Variants in CSMD3 observed in about 807,000 individuals in gnomAD.
CSMD3 encodes CUB and Sushi multiple domains 3, also known as CUB and sushi domain-containing protein 3.
Under a neutral mutation model 435.2 loss-of-function variants are expected in CSMD3, and 177 were observed. That is an observed-to-expected ratio of 0.41 (90% CI 0.36 to 0.46). The LOEUF (loss-of-function observed/expected upper bound fraction) is 0.46, where lower values mean the gene tolerates loss of function less well. Among genes scored for constraint, CSMD3 ranks in the 20% least tolerant of loss-of-function variants. The pLI is 0.34. For missense variants in CSMD3, 4,265 were observed against 4,504.6 expected, an observed-to-expected ratio of 0.95 and a Z score of 1.52; for synonymous variants, 1,656 against 1,520.5, an observed-to-expected ratio of 1.09 and a Z score of -2.07.
chr8:112,268,801 GA>G (rs142523872), intron 59 of CSMD3, among the ~76,000 whole-genome samples: 5,428 of 152,232 alleles, frequency 0.036, 322 homozygotes, highest in African/African-American at 0.12. Flanking sequence ...GTTCCAGAAA[GA>G]ATGGCTAAAC....
chr8:112,330,268 C>A (rs1292887604), intron 45 of CSMD3, among the ~76,000 whole-genome samples: 2 of 152,166 alleles, frequency 1.3e-5, no homozygotes, highest in African/African-American at 2.4e-5. Context: ...CTTTTAAATA[C>A]ATTTCTTTAC....
At chr8:113,409,677 C>T (rs563322089) in intron 1 of CSMD3, among the ~76,000 whole-genome samples, 1 of 152,202 alleles carries the variant, frequency 6.6e-6, no homozygotes, top group African/African-American at 2.4e-5. Flanking sequence ...TTTTATCAGC[C>T]TTAATATTGA....
At chr8:112,278,725 T>A (rs1818328184) in intron 59 of CSMD3, among the ~76,000 whole-genome samples, 1 of 152,094 alleles carries the variant, frequency 6.6e-6, no homozygotes, top group Non-Finnish European at 1.5e-5. Context: ...TGGCTTTAGG[T>A]ATCTAAAACA....
rs1369319437 is a variant in CSMD3, at chr8:113,019,173, A to C, written c.924T>G (p.Ser308=). 6.2e-7 allele frequency: 1 copy of C among 1,605,240 alleles called. No individual in the cohort carries two copies. The highest frequency in any genetic ancestry group is 8.5e-7 in the Non-Finnish European group (1 of 1,172,050). The part of the protein sequence containing the change: ...EGSEPPTIWL[S]GMNIPPPIIS... Reference sequence around the variant, plus strand: ...TAATTGGTGGTGGTATATTCATTCCAGATAACCTGAATTACAAAAGACAAC... The same window carrying C: ...TAATTGGTGGTGGTATATTCATTCCCGATAACCTGAATTACAAAAGACAAC... Residue 308 remains serine (S), a synonymous_variant, in exon 6 of 71, where the codon TCT becomes TCG. Coordinates refer to ENST00000297405, the MANE Select transcript of CSMD3 (RefSeq NM_198123.2).
intron 10 of CSMD3, among the ~76,000 whole-genome samples, chr8:112,886,106 T>A (rs1456679612): frequency 6.6e-6 from 1 of 151,690 alleles, no homozygotes; most frequent in East Asian, 1.9e-4. Context: ...TCTGTGGTTT[T>A]ACTTGTTTGT....
chr8:113,009,736 C>T (rs2086187825), intron 6 of CSMD3, among the ~76,000 whole-genome samples: 1 of 151,712 alleles, frequency 6.6e-6, no homozygotes, highest in Non-Finnish European at 1.5e-5. Context: ...TGAACTTTTT[C>T]AACAAACATG....
At chr8:113,344,367 A>C (rs2094138993) in intron 1 of CSMD3, among the ~76,000 whole-genome samples, 2 of 152,128 alleles carry the variant, frequency 1.3e-5, no homozygotes. Flanking sequence ...TTTTGAGATA[A>C]AATTATGTTT....
At chr8:112,285,899 T>A (rs751493134) in intron 58 of CSMD3, among the ~76,000 whole-genome samples, 4 of 151,934 alleles carry the variant, frequency 2.6e-5, no homozygotes, top group Non-Finnish European at 5.9e-5. Flanking sequence ...TTAAGATTTT[T>A]GTAGAGATGT....
chr8:112,466,819 A>G (rs553397722), intron 32 of CSMD3, among the ~76,000 whole-genome samples: 2 of 152,284 alleles, frequency 1.3e-5, no homozygotes, highest in South Asian at 4.1e-4. Context: ...CATTTAGTGA[A>G]TATAATAAAA....
chr8:112,483,783 T>G (rs1263766710), intron 31 of CSMD3, among the ~76,000 whole-genome samples: 2 of 152,190 alleles, frequency 1.3e-5, no homozygotes, highest in Non-Finnish European at 2.9e-5. Flanking sequence ...TTCTTAGTAG[T>G]TTGCCAAACT....
chr8:112,239,980 A>G (rs1303132177), intron 66 of CSMD3, among the ~76,000 whole-genome samples: 1 of 151,992 alleles, frequency 6.6e-6, no homozygotes, highest in Non-Finnish European at 1.5e-5. Flanking sequence ...CTTTTCAATA[A>G]TGTAAGGATT....
At chr8:112,934,752 CA>C (rs2083225407) in intron 9 of CSMD3, among the ~76,000 whole-genome samples, 1 of 152,074 alleles carries the variant, frequency 6.6e-6, no homozygotes, top group Non-Finnish European at 1.5e-5. Flanking sequence ...ATTACTAAGA[CA>C]CTCGGGACAC....
Position 112,552,711 on chromosome 8 carries a change from C to A in CSMD3, c.4244G>T (p.Gly1415Val), listed in dbSNP as rs2131202559. 1 of 1,611,426 alleles carries A rather than the reference C, an allele frequency of 6.2e-7. No individual in the cohort carries two copies. The highest frequency in any genetic ancestry group is 1.1e-5 in the South Asian group (1 of 91,028). ...YPLPSCIAEC[G>V]GRFKGESSGR... The stretch of plus-strand genomic sequence containing the variant: ...TGATGATTCTCCTTTAAAACGACCT[C>A]CACATTCAGCTGATAAAAAATAATA... The change falls in exon 26 of 71, where the codon GGA becomes GTA. Residue 1415 changes from glycine to valine, a missense_variant. Gly to Val is a moderately radical substitution (Grantham distance 109). Around this residue, in one of 3 missense-constraint regions of CSMD3, gnomAD observed 3,255 missense variants for 3,380.2 expected, o/e 0.96. Coordinates refer to ENST00000297405, the MANE Select transcript of CSMD3 (RefSeq NM_198123.2).
At chr8:113,243,797 A>T (rs575013840) in intron 3 of CSMD3, among the ~76,000 whole-genome samples, 6 of 152,270 alleles carry the variant, frequency 3.9e-5, no homozygotes, top group African/African-American at 1.4e-4. Context: ...TCTTGATTTA[A>T]CCAACTACTG....
At chr8:112,564,062 T>C (rs1433897301) in intron 24 of CSMD3, among the ~76,000 whole-genome samples, 1 of 151,978 alleles carries the variant, frequency 6.6e-6, no homozygotes, top group East Asian at 1.9e-4. Flanking sequence ...TTAATACCTA[T>C]CAAGTTAAGC....
intron 31 of CSMD3, among the ~76,000 whole-genome samples, chr8:112,476,045 T>C (rs1272033988): frequency 6.6e-6 from 1 of 152,148 alleles, no homozygotes; most frequent in Non-Finnish European, 1.5e-5. Context: ...TTTTAATTTA[T>C]TTTTATTTTT....
chr8:113,344,808 CTTAATA>C (rs755437738), intron 1 of CSMD3, among the ~76,000 whole-genome samples: 5 of 152,082 alleles, frequency 3.3e-5, no homozygotes, highest in African/African-American at 4.8e-5. Flanking sequence ...ACATCAACCA[CTTAATA>C]TTAACAATCT....
At chr8:113,322,028 G>T (rs777046830) in intron 1 of CSMD3, among the ~76,000 whole-genome samples, 2 of 152,004 alleles carry the variant, frequency 1.3e-5, no homozygotes, top group African/African-American at 4.8e-5. Context: ...TATACAAAAT[G>T]TGCACCAAAT....
chr8:112,976,500 A>C (rs2084854673), intron 6 of CSMD3, among the ~76,000 whole-genome samples: 1 of 152,110 alleles, frequency 6.6e-6, no homozygotes, highest in Non-Finnish European at 1.5e-5. Context: ...TTTTGATGGA[A>C]TGGGTAACTA....
Sources: allele counts gnomAD v4.1 joint callset (sites outside exome capture counted in the v4.1 genomes callset), GRCh38; gene constraint gnomAD v4.1.1; regional missense constraint gnomAD v4.1.1; transcripts MANE v1.5; gene names NCBI Gene and HGNC (gene_info 2026-07-23, HGNC 2026-07-21).